Variants in CPEB2 observed in about 807,000 individuals in gnomAD.
The protein encoded by CPEB2 is cytoplasmic polyadenylation element binding protein 2.
A neutral mutation model predicts 93.6 loss-of-function variants in CPEB2; 56 were observed. The ratio of observed to expected loss-of-function variants is 0.60; its 90% CI spans 0.48 to 0.75. CPEB2 has a LOEUF of 0.75. Among genes scored for constraint, CPEB2 ranks in the 30% least tolerant of loss-of-function variants. The pLI, the probability that CPEB2 is intolerant of heterozygous loss-of-function variation, is 0.00. For synonymous variants in CPEB2, 764 were observed against 586.3 expected, an observed-to-expected ratio of 1.30 and a Z score of -4.38; for missense variants, 1,579 against 1,395.1, an observed-to-expected ratio of 1.13 and a Z score of -2.10.
intron 3 of CPEB2, among the ~76,000 whole-genome samples, chr4:15,009,189 CTT>C (rs1186347072): frequency 1.3e-5 from 2 of 152,178 alleles, no homozygotes; most frequent in African/African-American, 4.8e-5. Flanking sequence ...TGAGCATAGA[CTT>C]AACGTTGTGT....
chr4:15,013,322 A>G (rs1316598920), intron 3 of CPEB2, among the ~76,000 whole-genome samples: 3 of 151,970 alleles, frequency 2.0e-5, no homozygotes, highest in African/African-American at 7.2e-5. Flanking sequence ...TAGTTTTTAT[A>G]TTTTAGAATA....
intron 11 of CPEB2, among the ~76,000 whole-genome samples, chr4:15,065,424 A>G (rs900041890): frequency 6.6e-6 from 1 of 152,138 alleles, no homozygotes; most frequent in African/African-American, 2.4e-5. Flanking sequence ...AAGCAAGGCT[A>G]TTGCAGCTAA....
chr4:15,017,345 A>G, intron 4 of CPEB2, 67 bp downstream of exon 4: 8 of 781,472 alleles, frequency 1.0e-5, no homozygotes, highest in Admixed American at 2.6e-5. Flanking sequence ...ACTAGTTTTT[A>G]TATGAAAGTG....
rs1729866065 is a variant in CPEB2 at position 15,068,466 on chromosome 4, T to A, written c.*2086T>A. 1 of 152,336 alleles carries A rather than the reference T, an allele frequency of 6.6e-6. No individual in the cohort carries two copies. Among genetic ancestry groups the A allele is most frequent in the Admixed American group, 6.6e-5 (1 of 15,206 alleles). The allele number at this position is 152,336 out of a possible 1,614,324, so 9.4% of individuals were successfully genotyped here. On this transcript the variant is annotated 3_prime_UTR_variant, in exon 12 of 12. Coordinates refer to ENST00000538197, the MANE Select transcript of CPEB2 (RefSeq NM_001177382.2). ...TGACATTTGTTATGCACTATTTTTA[T>A]ATCTCTGTGAGAGATTTTTCCAACA...
intron 6 of CPEB2, among the ~76,000 whole-genome samples, chr4:15,043,776 A>C (rs944411573): frequency 2.0e-4 from 31 of 152,116 alleles, no homozygotes; most frequent in Non-Finnish European, 3.8e-4. Flanking sequence ...AATCCTTTTA[A>C]GCAAGGAAAC....
At position 15,003,897 on chromosome 4, in the gene CPEB2, A is replaced by G. The variant is rs963335164; in HGVS notation, c.1224A>G (p.Pro408=). The change falls in exon 1 of 12, where the codon CCA becomes CCG. Residue 408 remains proline, a synonymous_variant. Transcript: ENST00000538197. ...PPTQPQQQPP[P]PQQPPQPQPQ... is the part of the protein sequence containing the mutation. ...CCCAGCCGCAGCAGCAGCCGCCGCC[A>G]CCCCAGCAGCCGCCCCAGCCGCAGC... The G allele has an allele frequency of 1.2e-6, 1 of 857,088 alleles. No individual in the cohort carries two copies. The highest frequency in any genetic ancestry group is 1.5e-6 in the Non-Finnish European group (1 of 655,548). The allele number at this position is 857,088 out of a possible 1,614,324, so 53.1% of individuals were successfully genotyped here.
chr4:15,004,178 C>T lies in CPEB2; in HGVS notation c.1505C>T (p.Pro502Leu), dbSNP rs1357165772. Residue 502 changes from proline to leucine, a missense_variant, in exon 1 of 12, where the codon CCG becomes CTG. Coordinates refer to ENST00000538197, the MANE Select transcript of CPEB2 (RefSeq NM_001177382.2). ...GCTACCGCTGTGCCCCCTCCGCCGC[C>T]GCCCGCCATGAATATACCTCAACAG... Reference protein sequence around the residue: ...FSATAVPPPPPPAMNIPQQQP... With the variant: ...FSATAVPPPPLPAMNIPQQQP... 6.9e-6 allele frequency: 10 copies of T among 1,450,102 alleles called. No individual in the cohort carries two copies. Among genetic ancestry groups the T allele is most frequent in the Non-Finnish European group, 8.1e-6 (9 of 1,111,424 alleles). 89.8% of individuals were successfully genotyped at this position (1,450,102 alleles called of 1,614,324 possible).
At chr4:15,015,443 T>C (rs1325756829) in intron 3 of CPEB2, among the ~76,000 whole-genome samples, 1 of 151,978 alleles carries the variant, frequency 6.6e-6, no homozygotes, top group East Asian at 1.9e-4. Flanking sequence ...TAGCATTCCT[T>C]CCGTCATTCA....
chr4:15,003,435 T>A lies in CPEB2; in HGVS notation c.762T>A (p.Arg254=), dbSNP rs1238928698. ...CGCAGGACTTCGCCCCGCGGCAGCG[T>A]CCGGCAGACCTGCCCCCGCTCCCGC... The part of the protein sequence containing the change: ...LSPQDFAPRQ[R]PADLPPLPQL... The change falls in exon 1 of 12, where the codon CGT becomes CGA. Residue 254 remains arginine (R), a synonymous_variant. Coordinates refer to ENST00000538197, the MANE Select transcript of CPEB2 (RefSeq NM_001177382.2). 1 of 1,356,936 alleles carries A rather than the reference T, an allele frequency of 7.4e-7. No homozygotes were observed. Among genetic ancestry groups the A allele is most frequent in the Non-Finnish European group, 9.4e-7 (1 of 1,065,504 alleles). 84.1% of individuals were successfully genotyped at this position (1,356,936 alleles called of 1,614,324 possible).
chr4:15,046,328 C>G (rs954802697), intron 6 of CPEB2, among the ~76,000 whole-genome samples: 4 of 152,048 alleles, frequency 2.6e-5, no homozygotes, highest in Non-Finnish European at 5.9e-5. Context: ...TAGGTTGAAG[C>G]GATTCTTCTG....
At chr4:15,032,695 A>T (rs1302631702) in intron 4 of CPEB2, among the ~76,000 whole-genome samples, 2 of 152,022 alleles carry the variant, frequency 1.3e-5, no homozygotes, top group African/African-American at 4.8e-5. Context: ...GTTGAGATGA[A>T]TTTTTCTGCT....
chr4:15,014,643 A>G (rs1723888092), intron 3 of CPEB2, among the ~76,000 whole-genome samples: 1 of 152,070 alleles, frequency 6.6e-6, no homozygotes, highest in South Asian at 2.1e-4. Flanking sequence ...TAAAAAGTAC[A>G]GTCTTTCTCC....
At position 15,030,063 on chromosome 4, in the gene CPEB2, T is replaced by C. The variant is rs576437659; in HGVS notation, c.2126-3098T>C. Among the ~76,000 whole-genome samples, 8 of 152,082 alleles carry C rather than the reference T, an allele frequency of 5.3e-5. No individual in the cohort carries two copies. The South Asian group carries it at 1.4e-3, about 28-fold the overall frequency. On this transcript the variant is annotated intron_variant, in intron 4 of 11. Coordinates refer to ENST00000538197, the MANE Select transcript of CPEB2 (RefSeq NM_001177382.2). ...CTGTCTAGCTTTGATGACCCTATTA[T>C]TGACAGGAACAGGTAGTTATTAGTG... is the stretch of plus-strand genomic sequence containing the variant.
In CPEB2 at chr4:15,003,494, G is replaced by C. The variant is rs1379957437; in HGVS notation, c.821G>C (p.Arg274Pro). 4.3e-6 allele frequency: 6 copies of C among 1,401,852 alleles called. No individual in the cohort carries two copies. In the South Asian group the frequency reaches 7.6e-5, roughly 18 times the overall value. The allele number at this position is 1,401,852 out of a possible 1,614,324, so 86.8% of individuals were successfully genotyped here. A position where few individuals can be genotyped will look rare whatever the true frequency, so the allele number is the denominator to read the frequency against. ...CCCTCGCCGCCTGCAGCCCCGCGGCGCCGCCACGGAGGCGCGGGCAGCCCT... is the reference window on the plus strand; with the variant it reads ...CCCTCGCCGCCTGCAGCCCCGCGGCCCCGCCACGGAGGCGCGGGCAGCCCT... Reference protein sequence around the residue: ...LPPSPPAAPRRRHGGAGSPRK... With the variant: ...LPPSPPAAPRPRHGGAGSPRK... Residue 274 changes from arginine (R) to proline (P), a missense_variant, in exon 1 of 12, where the codon CGC becomes CCC. Physicochemically the swap from Arg to Pro is moderately radical, Grantham distance 103 (BLOSUM62 -2). Transcript: ENST00000538197.
chr4:15,007,840 A>G (rs1874208), intron 2 of CPEB2, among the ~76,000 whole-genome samples: 69,539 of 152,112 alleles, frequency 0.46, 17,368 homozygotes, highest in East Asian at 0.75. Context: ...TTAAATACAT[A>G]CTGAAGCTTT....
intron 6 of CPEB2, among the ~76,000 whole-genome samples, chr4:15,044,080 A>C (rs1419408107): frequency 6.6e-6 from 1 of 152,226 alleles, no homozygotes; most frequent in Non-Finnish European, 1.5e-5. Flanking sequence ...GAAATCCTTG[A>C]TAAATAACTT....
At chr4:15,065,797 ATC>A (rs936831849) in intron 11 of CPEB2, among the ~76,000 whole-genome samples, 69 of 152,180 alleles carry the variant, frequency 4.5e-4, no homozygotes, top group African/African-American at 1.6e-3. Context: ...GGGTTCTGCC[ATC>A]TCACAGGTGA....
intron 4 of CPEB2, among the ~76,000 whole-genome samples, chr4:15,018,257 G>C (rs1032215407): frequency 2.0e-5 from 3 of 151,766 alleles, no homozygotes; most frequent in Admixed American, 2.0e-4. Flanking sequence ...TTGGCAGGGA[G>C]GTGGTGATGT....
chr4:15,003,768 A>T lies in CPEB2; in HGVS notation c.1095A>T (p.Gly365=). 9.6e-6 allele frequency: 8 copies of T among 835,254 alleles called. No homozygotes were observed. Among genetic ancestry groups the T allele is most frequent in the Admixed American group, 5.5e-5 (1 of 18,338 alleles). 51.7% of individuals were successfully genotyped at this position (835,254 alleles called of 1,614,324 possible). The change falls in exon 1 of 12, where the codon GGA becomes GGT. Residue 365 remains glycine, a synonymous_variant. Transcript: ENST00000538197. ...GGGGGGPPGG[G]GGGGSASPPP... The stretch of plus-strand genomic sequence containing the variant: ...GGGGCGGGGGGCCCCCAGGAGGCGG[A>T]GGGGGAGGCGGCTCCGCGTCGCCGC...
Sources: gnomAD v4.1 joint callset for allele counts (sites outside exome capture counted in the v4.1 genomes callset) on GRCh38, gnomAD v4.1.1 for gene constraint, MANE v1.5 for transcripts, NCBI Gene and HGNC (gene_info 2026-07-23, HGNC 2026-07-21) for gene names.